IQUB: variants seen among roughly 807,000 people sequenced by gnomAD.
The protein encoded by IQUB is IQ motif and ubiquitin domain containing.
In IQUB, 86 loss-of-function variants were observed where a neutral mutation model predicts 86.4. The ratio of observed to expected loss-of-function variants is 1.00; its 90% CI spans 0.84 to 1.19. The LOEUF (loss-of-function observed/expected upper bound fraction) is 1.19. Ranked by LOEUF, IQUB falls within the 50% of genes most tolerant of loss-of-function variation. The pLI is 0.00. For synonymous variants in IQUB, 289 were observed against 304.5 expected, an observed-to-expected ratio of 0.95 and a Z score of 0.53; for missense variants, 946 against 916.9, an observed-to-expected ratio of 1.03 and a Z score of -0.41.
At position 123,503,073 on chromosome 7, in the gene IQUB, A is replaced by G. The variant is rs1321282195; in HGVS notation, c.738T>C (p.Ser246=). The G allele has an allele frequency of 6.2e-7, 1 of 1,613,404 alleles. No homozygotes were observed. Among genetic ancestry groups the G allele is most frequent in the African/African-American group, 1.3e-5 (1 of 74,904 alleles). Residue 246 remains serine, a synonymous_variant, in exon 5 of 13, where the codon TCT becomes TCC. Coordinates refer to ENST00000324698, the MANE Select transcript of IQUB (RefSeq NM_178827.5). ...YQQVPVEIVK[S]DFHKPFLGGF... is the part of the protein sequence containing the mutation. The stretch of plus-strand genomic sequence containing the variant: ...CACCAAGAAATGGTTTGTGAAAGTC[A>G]GATTTGACAATCTCAACAGGTACCT...
At chr7:123,529,684 G>A (rs977134449) in intron 1 of IQUB, among the ~76,000 whole-genome samples, 1 of 135,778 alleles carries the variant, frequency 7.4e-6, no homozygotes, top group African/African-American at 2.7e-5. Flanking sequence ...CAGGAGTTGG[G>A]AGGCCAGCCT....
chr7:123,512,346 T>A lies in IQUB; in HGVS notation c.-4-2A>T. ...TTCTCCTGTTGATTAGACATTTTCC[T>A]GAATTAAGAAAAATAAACACATTTA... On this transcript the variant is annotated splice_acceptor_variant, in intron 1 of 12. Coordinates refer to ENST00000324698, the MANE Select transcript of IQUB (RefSeq NM_178827.5). LOFTEE classifies it low-confidence loss of function (5UTR_SPLICE). 6.6e-7 allele frequency: 1 copy of A among 1,523,022 alleles called. No individual in the cohort carries two copies. The highest frequency in any genetic ancestry group is 1.4e-5 in the African/African-American group (1 of 72,244). The allele number at this position is 1,523,022 out of a possible 1,614,324, so 94.3% of individuals were successfully genotyped here.
At chr7:123,481,877 G>A (rs539125084) in intron 7 of IQUB, among the ~76,000 whole-genome samples, 18 of 152,020 alleles carry the variant, frequency 1.2e-4, no homozygotes, top group South Asian at 2.1e-4. Flanking sequence ...AAAACAAAGC[G>A]TAACAGTTAT....
chr7:123,454,573 G>A (rs1793605018), intron 12 of IQUB, among the ~76,000 whole-genome samples: 1 of 152,058 alleles, frequency 6.6e-6, no homozygotes, highest in Non-Finnish European at 1.5e-5. Flanking sequence ...TGGACATCAA[G>A]AGACCTTTTT....
At chr7:123,527,984 C>A (rs1797334093) in intron 1 of IQUB, among the ~76,000 whole-genome samples, 1 of 152,236 alleles carries the variant, frequency 6.6e-6, no homozygotes, top group Non-Finnish European at 1.5e-5. Flanking sequence ...GGGCGTAGGA[C>A]CCTCCGAGCC....
chr7:123,452,768 A>C lies in IQUB; in HGVS notation c.2351T>G (p.Ile784Arg). 1 of 1,612,862 alleles carries C rather than the reference A, an allele frequency of 6.2e-7. No homozygotes were observed. The highest frequency in any genetic ancestry group is 1.3e-5 in the African/African-American group (1 of 74,998). Residue 784 changes from isoleucine to arginine, a missense_variant, in exon 13 of 13, where the codon ATA becomes AGA. Ile to Arg is a moderately conservative substitution (Grantham distance 97). Transcript: ENST00000324698. Reference protein sequence around the residue: ...KYHSDTTPKIIESQRPPH With the variant: ...KYHSDTTPKIRESQRPPH ...CTAATGAGGAGGCCTCTGGGATTCT[A>C]TAATCTTAGGTGTTGTGTCTGAGTG...
At chr7:123,521,408 C>T (rs1338200292) in intron 1 of IQUB, among the ~76,000 whole-genome samples, 1 of 151,950 alleles carries the variant, frequency 6.6e-6, no homozygotes, top group Non-Finnish European at 1.5e-5. Flanking sequence ...TTTGGGAGGC[C>T]GAGGTGGTCA....
chr7:123,497,804 T>A (rs1163365592), intron 6 of IQUB, among the ~76,000 whole-genome samples: 2 of 150,000 alleles, frequency 1.3e-5, no homozygotes, highest in Non-Finnish European at 3.0e-5. Context: ...CTTTGAAGAA[T>A]CCCTTCAACA....
intron 12 of IQUB, among the ~76,000 whole-genome samples, chr7:123,453,286 T>TA (rs1793527671): frequency 1.7e-5 from 2 of 115,470 alleles, no homozygotes; most frequent in Admixed American, 9.3e-5. Context: ...ATATATATAT[T>TA]ATTAATGTTA....
At chr7:123,509,801 A>G in intron 3 of IQUB, 100 bp downstream of exon 3, 1 of 1,003,108 alleles carries the variant, frequency 1.0e-6, no homozygotes, top group Admixed American at 2.3e-5. Context: ...ATAATGTTCA[A>G]TTAGTACCAA....
In IQUB at chr7:123,504,408, C is replaced by T. The variant is rs567948337; in HGVS notation, c.533-1045G>A. Among the ~76,000 whole-genome samples, 7 of 152,172 alleles carry T rather than the reference C, an allele frequency of 4.6e-5. No homozygotes were observed. The East Asian group carries it at 1.2e-3, about 25-fold the overall frequency. ...GAGGTTGCAGTGAGCCAAGATCACA[C>T]CCTGAACTCAAGCCTGAACGACGGA... is the stretch of plus-strand genomic sequence containing the variant. On this transcript the variant is annotated intron_variant, in intron 3 of 12. Transcript: ENST00000324698.
At chr7:123,508,125 T>C (rs10254212) in intron 3 of IQUB, among the ~76,000 whole-genome samples, 37,609 of 152,026 alleles carry the variant, frequency 0.25, 5,018 homozygotes, top group East Asian at 0.33. Context: ...GAGAAGGCCA[T>C]ATGACAGAAG....
Position 123,452,922 on chromosome 7 carries a change from A to G in IQUB, c.2197T>C (p.Tyr733His), listed in dbSNP as rs771857200. The change falls in exon 13 of 13, where the codon TAT (tyrosine) becomes CAT (histidine). Residue 733 changes from tyrosine (Y) to histidine (H), a missense_variant. By Grantham distance (83) the Tyr-to-His change is moderately conservative. Coordinates refer to ENST00000324698, the MANE Select transcript of IQUB (RefSeq NM_178827.5). ...HLKLTSIEEG[Y>H]ERSFIHKIKH... The stretch of plus-strand genomic sequence containing the variant: ...ATCTTGTGAATAAATGAGCGTTCAT[A>G]TCCCTGCAAAGAAAAAAATCAAATT... 1 of 1,603,720 alleles carries G rather than the reference A, an allele frequency of 6.2e-7. No individual in the cohort carries two copies. Among genetic ancestry groups the G allele is most frequent in the Non-Finnish European group, 8.5e-7 (1 of 1,175,158 alleles).
chr7:123,477,779 T>A (rs755854370), intron 8 of IQUB, among the ~76,000 whole-genome samples: 10 of 152,020 alleles, frequency 6.6e-5, no homozygotes, highest in Non-Finnish European at 1.2e-4. Context: ...AAAGTGGGCA[T>A]AGGATATGAA....
intron 3 of IQUB, among the ~76,000 whole-genome samples, chr7:123,507,476 T>C (rs1425252487): frequency 6.6e-6 from 1 of 152,226 alleles, no homozygotes; most frequent in Non-Finnish European, 1.5e-5. Context: ...TACTGGGACA[T>C]AACCCAATCA....
At chr7:123,475,294 A>G (rs1006488864) in intron 8 of IQUB, among the ~76,000 whole-genome samples, 1 of 152,086 alleles carries the variant, frequency 6.6e-6, no homozygotes, top group Non-Finnish European at 1.5e-5. Context: ...AGTATTTACA[A>G]AAAAACAAAC....
At chr7:123,464,306 T>C (rs1255301691) in intron 10 of IQUB, among the ~76,000 whole-genome samples, 1 of 151,848 alleles carries the variant, frequency 6.6e-6, no homozygotes, top group African/African-American at 2.4e-5. Flanking sequence ...TATGTTACAT[T>C]TGAAGTTCTC....
chr7:123,521,161 C>T lies in IQUB; in HGVS notation c.-4-8817G>A, dbSNP rs138212757. Among the ~76,000 whole-genome samples, 179 of 152,212 alleles carry T rather than the reference C, an allele frequency of 1.2e-3. 4 individuals are homozygous for T. In the East Asian group the frequency reaches 0.026, roughly 22 times the overall value. ...CATGTGAAATCAATGCAGTCAGAAACGGAAGCCACATATTATAAAGTTCCT... is the reference window on the plus strand; with the variant it reads ...CATGTGAAATCAATGCAGTCAGAAATGGAAGCCACATATTATAAAGTTCCT... On this transcript the variant is annotated intron_variant, in intron 1 of 12. Transcript: ENST00000324698.
intron 6 of IQUB, among the ~76,000 whole-genome samples, 177 bp from the exon 7 acceptor site, chr7:123,497,083 C>G (rs1262003466): frequency 2.0e-5 from 3 of 152,144 alleles, no homozygotes; most frequent in Admixed American, 1.3e-4. Flanking sequence ...ATGCATGTGA[C>G]TGCTATTTGA....
Sources: allele counts gnomAD v4.1 joint callset (sites outside exome capture counted in the v4.1 genomes callset), GRCh38; gene constraint gnomAD v4.1.1; transcripts MANE v1.5; gene names NCBI Gene and HGNC (gene_info 2026-07-23, HGNC 2026-07-21).